The following MCF2L2 variants were observed in gnomAD, a reference collection of about 807,000 sequenced individuals.
MCF2L2 encodes probable guanine nucleotide exchange factor MCF2L2.
A neutral mutation model predicts 150.2 loss-of-function variants in MCF2L2; 102 were observed. The ratio of observed to expected loss-of-function variants is 0.68; its 90% confidence interval spans 0.58 to 0.80. The LOEUF (loss-of-function observed/expected upper bound fraction) is 0.80, where lower values mean the gene tolerates loss of function less well. MCF2L2 is among the 30% of genes least tolerant of loss of function. The probability of loss-of-function intolerance (pLI) is 0.00; values close to 1 mark genes in which losing one functional copy is unlikely to be tolerated. For missense variants in MCF2L2, 1,256 were observed against 1,372.8 expected (o/e 0.91, Z 1.34); for synonymous variants, 465 against 491.3 (o/e 0.95, Z 0.71).
chr3:183,229,355 G>A (rs1723464351), intron 17 of MCF2L2, among the ~76,000 whole-genome samples: 1 of 152,186 alleles, frequency 6.6e-6, no homozygotes, highest in Admixed American at 6.5e-5. Context: ...TGAGCACAGT[G>A]CCTGGCACAG....
chr3:183,396,614 T>C (rs1714480109), intron 1 of MCF2L2, among the ~76,000 whole-genome samples: 1 of 152,170 alleles, frequency 6.6e-6, no homozygotes, highest in Non-Finnish European at 1.5e-5. Context: ...AGAAAAAATA[T>C]ATTTTATGGA....
chr3:183,191,986 G>A (rs1458183832), intron 27 of MCF2L2, among the ~76,000 whole-genome samples: 5 of 148,532 alleles, frequency 3.4e-5, no homozygotes, highest in Admixed American at 6.7e-5. Flanking sequence ...GACTACAGGC[G>A]CCCACCACCA....
At chr3:183,403,625 T>G (rs966637904) in intron 1 of MCF2L2, among the ~76,000 whole-genome samples, 1 of 152,234 alleles carries the variant, frequency 6.6e-6, no homozygotes, top group Admixed American at 6.5e-5. Context: ...AGTCTTCAGC[T>G]GGGTGTGGGT....
intron 3 of MCF2L2, among the ~76,000 whole-genome samples, chr3:183,364,754 T>C (rs2108570485): frequency 6.6e-6 from 1 of 152,290 alleles, no homozygotes; most frequent in South Asian, 2.1e-4. Flanking sequence ...GAAACGACTT[T>C]GCACATCCCT....
At chr3:183,292,454 A>G (rs1475235235) in intron 13 of MCF2L2, among the ~76,000 whole-genome samples, 1 of 152,122 alleles carries the variant, frequency 6.6e-6, no homozygotes, top group East Asian at 1.9e-4. Context: ...AACAATAAAT[A>G]CTAACAGAAG....
Position 183,180,074 on chromosome 3 carries a change from C to T in MCF2L2, c.3102G>A (p.Leu1034=). 6.2e-7 allele frequency: 1 copy of T among 1,611,886 alleles called. No homozygotes were observed. The highest frequency in any genetic ancestry group is 8.5e-7 in the Non-Finnish European group (1 of 1,177,988). The stretch of plus-strand genomic sequence containing the variant: ...GAAACAAAAGGGAAGTAATTACACT[C>T]AGAGCACTGCTCTCCTTTTCCATGT... ...AEDMEKESSA[L]SLAGLFQSDD... Residue 1034 remains leucine (L), a synonymous_variant, in exon 28 of 30, where the codon CTG becomes CTA. Coordinates refer to ENST00000328913, the MANE Select transcript of MCF2L2 (RefSeq NM_015078.4).
At chr3:183,322,143 C>T (rs1250642056) in intron 6 of MCF2L2, among the ~76,000 whole-genome samples, 2 of 152,214 alleles carry the variant, frequency 1.3e-5, no homozygotes, top group Admixed American at 6.5e-5. Flanking sequence ...GAGGGGACGC[C>T]AACATTCAAG....
At chr3:183,426,063 A>G (rs1463634952) in intron 1 of MCF2L2, among the ~76,000 whole-genome samples, 1 of 152,202 alleles carries the variant, frequency 6.6e-6, no homozygotes, top group Non-Finnish European at 1.5e-5. Context: ...TAGATTAAGT[A>G]TGAGGAGACA....
At chr3:183,300,436 C>A (rs1406043615) in intron 10 of MCF2L2, among the ~76,000 whole-genome samples, 1 of 152,118 alleles carries the variant, frequency 6.6e-6, no homozygotes, top group African/African-American at 2.4e-5. Context: ...GAGTTCTGGG[C>A]TAGACATCGA....
At chr3:183,316,845 A>T (rs1212406411) in intron 7 of MCF2L2, among the ~76,000 whole-genome samples, 6 of 151,914 alleles carry the variant, frequency 3.9e-5, no homozygotes, top group Non-Finnish European at 7.4e-5. Flanking sequence ...AGCTGGGATT[A>T]CAGGCACCTG....
intron 3 of MCF2L2, among the ~76,000 whole-genome samples, chr3:183,346,336 A>T (rs1577079233): frequency 1.3e-5 from 2 of 152,250 alleles, no homozygotes; most frequent in South Asian, 4.1e-4. Flanking sequence ...CAATAGATGC[A>T]GAAAAGCCCT....
At chr3:183,218,387 G>A (rs1723021517) in intron 21 of MCF2L2, among the ~76,000 whole-genome samples, 1 of 152,206 alleles carries the variant, frequency 6.6e-6, no homozygotes. Context: ...TGTAATCCCA[G>A]CACTTTGGGA....
chr3:183,193,941 C>G (rs1721996207), intron 26 of MCF2L2, among the ~76,000 whole-genome samples: 2 of 152,172 alleles, frequency 1.3e-5, no homozygotes, highest in South Asian at 2.1e-4. Context: ...TACTGAGCAC[C>G]TACAAAAGTG....
intron 14 of MCF2L2, among the ~76,000 whole-genome samples, chr3:183,287,036 T>C (rs1351297823): frequency 1.3e-5 from 2 of 152,150 alleles, no homozygotes; most frequent in African/African-American, 4.8e-5. Context: ...ATAAACAACA[T>C]GGCAAAAGAA....
At chr3:183,380,986 G>GT (rs1322498937) in intron 2 of MCF2L2, among the ~76,000 whole-genome samples, 1 of 152,106 alleles carries the variant, frequency 6.6e-6, no homozygotes, top group Non-Finnish European at 1.5e-5. Context: ...ATATTAAGTT[G>GT]TTTGACATGT....
At position 183,179,962 on chromosome 3, in the gene MCF2L2, G is replaced by T; in HGVS notation, c.3105+109C>A. 2 of 949,792 alleles carry T rather than the reference G, an allele frequency of 2.1e-6. No homozygotes were observed. The highest frequency in any genetic ancestry group is 1.6e-5 in the African/African-American group (1 of 61,956). The allele number at this position is 949,792 out of a possible 1,614,324, so 58.8% of individuals were successfully genotyped here. On this transcript the variant is annotated intron_variant, in intron 28 of 29. Transcript: ENST00000328913. This position sits in a 1 kb window ranked among gnomAD's most constrained non-coding sequence, Gnocchi z 4.2. ...CTGGCTTAACCAGGTCCTTATGGGT[G>T]AGAATCCTGAGGAGGGGGAGAGGGA...
intron 11 of MCF2L2, chr3:183,299,071 ACTCCAGAAACCGCTG>A (rs1199338161): frequency 6.6e-6 from 1 of 152,282 alleles, no homozygotes; most frequent in Non-Finnish European, 1.5e-5. Context: ...CACAGGGAAG[ACTCCAGAAACCGCTG>A]CTCCTGCTGA....
intron 1 of MCF2L2, chr3:183,400,586 T>G: frequency 4.9e-6 from 2 of 407,392 alleles, no homozygotes; most frequent in Admixed American, 5.6e-5. Context: ...TCCCGGTTAA[T>G]CTCCCTGAAG....
chr3:183,411,300 T>C (rs1393212226), intron 1 of MCF2L2, among the ~76,000 whole-genome samples: 1 of 152,222 alleles, frequency 6.6e-6, no homozygotes, highest in East Asian at 1.9e-4. Flanking sequence ...GACAATGAGA[T>C]AGTCTTCCTT....
Sources: gnomAD v4.1 joint callset for allele counts (sites outside exome capture counted in the v4.1 genomes callset) on GRCh38, gnomAD v4.1.1 for gene constraint, Gnocchi (gnomAD v3.1) non-coding constraint, MANE v1.5 for transcripts, NCBI Gene and HGNC (gene_info 2026-07-23, HGNC 2026-07-21) for gene names.